Variants in IDH1 observed in about 807,000 individuals in gnomAD.
IDH1 encodes the protein isocitrate dehydrogenase (NADP(+)) 1.
Under a neutral mutation model 46.1 loss-of-function variants are expected in IDH1, and 33 were observed. The ratio of observed to expected loss-of-function variants is 0.72; its 90% CI spans 0.54 to 0.96. The LOEUF (loss-of-function observed/expected upper bound fraction) is 0.96. IDH1 is among the 40% of genes least tolerant of loss of function. The probability of loss-of-function intolerance (pLI) is 0.00; values close to 1 mark genes in which losing one functional copy is unlikely to be tolerated. For synonymous variants in IDH1, 144 were observed against 172.8 expected (o/e 0.83, Z 1.31); for missense variants, 421 against 515.7 (o/e 0.82, Z 1.78).
rs758215808 is a variant in IDH1 at position 208,242,133 on chromosome 2, G to A, written c.711C>T (p.Ser237=). 1.2e-6 allele frequency: 2 copies of A among 1,613,666 alleles called. No individual in the cohort carries two copies. The highest frequency in any genetic ancestry group is 3.3e-5 in the Admixed American group (2 of 59,988). The change falls in exon 7 of 10, where the codon TCC becomes TCT. Residue 237 remains serine, a synonymous_variant. Transcript: ENST00000345146. ...FQEIYDKQYK[S]QFEAQKIWYE... is the part of the protein sequence containing the mutation. The stretch of plus-strand genomic sequence containing the variant: ...ACCAGATCTTTTGAGCTTCAAACTG[G>A]GACTTGTACTGCCTGGGAAACAAAA...
At chr2:208,250,391 T>TCTATTTATCATGATTG (rs1688101366) in intron 3 of IDH1, among the ~76,000 whole-genome samples, 1 of 152,096 alleles carries the variant, frequency 6.6e-6, no homozygotes, top group Non-Finnish European at 1.5e-5. Context: ...TATCATGATT[T>TCTATTTATCATGATTG]CAATATAGAC....
At chr2:208,238,036 A>G (rs1453922318) in intron 9 of IDH1, among the ~76,000 whole-genome samples, 1 of 151,202 alleles carries the variant, frequency 6.6e-6, no homozygotes, top group African/African-American at 2.4e-5. Flanking sequence ...TGAACACTGC[A>G]ATCTTTTTTT....
chr2:208,240,056 G>C, intron 7 of IDH1, 53 bp from the exon 8 acceptor site: 1 of 1,592,836 alleles, frequency 6.3e-7, no homozygotes, highest in Non-Finnish European at 8.6e-7. Flanking sequence ...AGAGCACTGA[G>C]TCTCTCAGAG....
At position 208,239,210 on chromosome 2, in the gene IDH1, C is replaced by G. The variant is rs1436545190; in HGVS notation, c.1015G>C (p.Gly339Arg). 1 of 1,614,078 alleles carries G rather than the reference C, an allele frequency of 6.2e-7. No homozygotes were observed. Among genetic ancestry groups the G allele is most frequent in the South Asian group, 1.1e-5 (1 of 91,080 alleles). ...PIASIFAWTR[G>R]LAHRAKLDNN... ...TCAAGCTTTGCTCTGTGGGCTAACC[C>G]TCTGGTCCAGGCAAAAATGGAAGCT... The change falls in exon 9 of 10, where the codon GGG becomes CGG. Residue 339 changes from glycine to arginine, a missense_variant. Transcript: ENST00000345146.
At chr2:208,249,412 T>A (rs1197471970) in intron 3 of IDH1, among the ~76,000 whole-genome samples, 1 of 152,208 alleles carries the variant, frequency 6.6e-6, no homozygotes, top group Non-Finnish European at 1.5e-5. Context: ...TACAATTTAT[T>A]GGGTAAGTAA....
At chr2:208,243,828 C>G (rs1426987345) in intron 5 of IDH1, among the ~76,000 whole-genome samples, 3 of 152,136 alleles carry the variant, frequency 2.0e-5, no homozygotes, top group Non-Finnish European at 4.4e-5. Context: ...TTTGGAAGGA[C>G]AGCAGAAATG....
rs752130008 is a variant in IDH1, at chr2:208,242,090, C to T, written c.754G>A (p.Asp252Asn). 7.4e-6 allele frequency: 12 copies of T among 1,613,704 alleles called. No homozygotes were observed. In the East Asian group the frequency reaches 1.1e-4, roughly 15 times the overall value. Residue 252 changes from aspartate (D) to asparagine (N), a missense_variant, in exon 7 of 10, where the codon GAC becomes AAC. Asp to Asn is a conservative substitution (Grantham distance 23, BLOSUM62 1). Coordinates refer to ENST00000345146, the MANE Select transcript of IDH1 (RefSeq NM_005896.4). The part of the protein sequence containing the change: ...QKIWYEHRLI[D>N]DMVAQAMKSE... ...TTCATAGCTTGGGCCACCATGTCGT[C>T]GATGAGCCTATGCTCATACCAGATC...
rs546239259 is a variant in IDH1 at position 208,248,139 on chromosome 2, T to C, written c.414+230A>G. ...AAAGGATAAAGGAAAAAAAACAGCATGTTTGAAAAAAAATGTGTTGAGATG... is the reference window on the plus strand; with the variant it reads ...AAAGGATAAAGGAAAAAAAACAGCACGTTTGAAAAAAAATGTGTTGAGATG... On this transcript the variant is annotated intron_variant, in intron 4 of 9. Transcript: ENST00000345146. The C allele has an allele frequency of 6.9e-6, 4 of 576,126 alleles. No individual in the cohort carries two copies. In the African/African-American group the frequency reaches 7.5e-5, roughly 11 times the overall value. The allele number at this position is 576,126 out of a possible 1,614,324, so 35.7% of individuals were successfully genotyped here. A position where few individuals can be genotyped will look rare whatever the true frequency, so the allele number is the denominator to read the frequency against.
chr2:208,248,581 T>C lies in IDH1; in HGVS notation c.202A>G (p.Asn68Asp), dbSNP rs772900658. The part of the protein sequence containing the change: ...KDAAEAIKKH[N>D]VGVKCATITP... ...ATAGTGGCACATTTGACGCCAACAT[T>C]ATGCTTCTTTATAGCTTCTGCAGCA... Residue 68 changes from asparagine (N) to aspartate (D), a missense_variant, in exon 4 of 10, where the codon AAT becomes GAT. By Grantham distance (23) the Asn-to-Asp change is conservative. Coordinates refer to ENST00000345146, the MANE Select transcript of IDH1 (RefSeq NM_005896.4). The C allele has an allele frequency of 6.2e-7, 1 of 1,614,150 alleles. No individual in the cohort carries two copies. Among genetic ancestry groups the C allele is most frequent in the East Asian group, 2.2e-5 (1 of 44,888 alleles).
chr2:208,240,207 A>T (rs1687893381), intron 7 of IDH1: 2 of 613,462 alleles, frequency 3.3e-6, no homozygotes, highest in Non-Finnish European at 5.9e-6. Flanking sequence ...GAAAGGCTGC[A>T]TTTTCCCCTC....
chr2:208,253,487 G>C (rs74700116), intron 2 of IDH1, among the ~76,000 whole-genome samples: 13 of 152,310 alleles, frequency 8.5e-5, no homozygotes, highest in African/African-American at 2.9e-4. Context: ...ACTTCAGAAG[G>C]AAGGGCTGTT....
chr2:208,246,631 T>G (rs201487410), intron 4 of IDH1, among the ~76,000 whole-genome samples: 1 of 36,846 alleles, frequency 2.7e-5, no homozygotes. Flanking sequence ...GATGCCAAAA[T>G]AATTAAAAAA....
chr2:208,248,750 G>T, intron 3 of IDH1, 90 bp from the exon 4 acceptor site: 2 of 1,257,450 alleles, frequency 1.6e-6, no homozygotes, highest in Non-Finnish European at 2.3e-6. Flanking sequence ...AGCTCATTAT[G>T]CAGAAAGCGA....
chr2:208,237,673 C>T (rs919908970), intron 9 of IDH1, among the ~76,000 whole-genome samples: 4 of 151,456 alleles, frequency 2.6e-5, no homozygotes, highest in African/African-American at 7.3e-5. Flanking sequence ...ATAATCCCAG[C>T]ACTTTGGGGG....
intron 3 of IDH1, among the ~76,000 whole-genome samples, chr2:208,249,896 C>T (rs1425821253): frequency 2.0e-5 from 3 of 152,162 alleles, no homozygotes; most frequent in Non-Finnish European, 4.4e-5. Context: ...TTTTCAAGTT[C>T]CTAGGAACCA....
intron 9 of IDH1, among the ~76,000 whole-genome samples, chr2:208,237,849 C>A (rs1220026713): frequency 6.6e-6 from 1 of 151,296 alleles, no homozygotes; most frequent in African/African-American, 2.4e-5. Context: ...TCACTTGAAC[C>A]CAGGAGGCGG....
intron 8 of IDH1, 59 bp from the exon 9 acceptor site, chr2:208,239,292 A>G: frequency 6.4e-7 from 1 of 1,565,122 alleles, no homozygotes; most frequent in Admixed American, 1.8e-5. Flanking sequence ...AGGTTTCCAA[A>G]TGTCTCATAG....
rs909688227 is a variant in IDH1 at position 208,236,231 on chromosome 2, G to A, written c.*848C>T. 9.8e-6 allele frequency: 2 copies of A among 203,378 alleles called. No individual in the cohort carries two copies. The highest frequency in any genetic ancestry group is 2.0e-5 in the Non-Finnish European group (2 of 99,018). 12.6% of individuals were successfully genotyped at this position (203,378 alleles called of 1,614,324 possible). On this transcript the variant is annotated 3_prime_UTR_variant, in exon 10 of 10. Transcript: ENST00000345146. Reference sequence around the variant, plus strand: ...CAATAAACAGAAACGCAGAAGAATGGTAATTAGCACTTAATTTTAATTAAA... The same window carrying A: ...CAATAAACAGAAACGCAGAAGAATGATAATTAGCACTTAATTTTAATTAAA...
intron 4 of IDH1, among the ~76,000 whole-genome samples, chr2:208,245,707 T>TG (rs1308177346): frequency 5.3e-5 from 8 of 151,380 alleles, no homozygotes; most frequent in African/African-American, 1.5e-4. Flanking sequence ...TTTAGGAAGT[T>TG]TACAACCCTA....
Sources: allele counts gnomAD v4.1 joint callset (sites outside exome capture counted in the v4.1 genomes callset), GRCh38; gene constraint gnomAD v4.1.1; transcripts MANE v1.5; gene names NCBI Gene and HGNC (gene_info 2026-07-23, HGNC 2026-07-21).